The following ADAMTS17 variants were observed in gnomAD, a reference collection of about 807,000 sequenced individuals.
The protein encoded by ADAMTS17 is A disintegrin and metalloproteinase with thrombospondin motifs 17.
In ADAMTS17, 113 loss-of-function variants were observed where a neutral mutation model predicts 141.5. The observed-to-expected ratio is 0.80, with a 90% CI of 0.69 to 0.93. The LOEUF (loss-of-function observed/expected upper bound fraction) is 0.93. Among genes scored for constraint, ADAMTS17 ranks in the 40% least tolerant of loss-of-function variants. The pLI is 0.00. For synonymous variants in ADAMTS17, 768 were observed against 630.6 expected (o/e 1.22, Z -3.27); for missense variants, 1,659 against 1,517.9 (o/e 1.09, Z -1.54).
chr15:100,088,191 A>G (rs1168116704), intron 15 of ADAMTS17, among the ~76,000 whole-genome samples: 2 of 152,192 alleles, frequency 1.3e-5, no homozygotes, highest in African/African-American at 4.8e-5. Flanking sequence ...CTTATACACC[A>G]ATAACAGACA....
chr15:100,211,596 G>T (rs1799602853), intron 7 of ADAMTS17, among the ~76,000 whole-genome samples: 1 of 152,116 alleles, frequency 6.6e-6, no homozygotes, highest in African/African-American at 2.4e-5. Flanking sequence ...GAAACAGGAA[G>T]CAAAGATCAT....
intron 4 of ADAMTS17, among the ~76,000 whole-genome samples, chr15:100,266,469 C>G (rs1178851988): frequency 6.6e-6 from 1 of 152,200 alleles, no homozygotes; most frequent in Non-Finnish European, 1.5e-5. Context: ...TAAGGGCAGG[C>G]AGAAGCATAT....
intron 20 of ADAMTS17, among the ~76,000 whole-genome samples, chr15:99,986,878 G>T (rs944008566): frequency 6.6e-6 from 1 of 152,250 alleles, no homozygotes; most frequent in Non-Finnish European, 1.5e-5. Context: ...ACTATCCCGG[G>T]TGGGAAGGCA....
chr15:100,094,039 T>C (rs2035619691), intron 15 of ADAMTS17, among the ~76,000 whole-genome samples: 1 of 151,534 alleles, frequency 6.6e-6, no homozygotes, highest in Admixed American at 6.6e-5. Flanking sequence ...ATATATACAA[T>C]CCACATGGAT....
chr15:100,055,305 G>A (rs2032474773), intron 15 of ADAMTS17, among the ~76,000 whole-genome samples: 1 of 152,228 alleles, frequency 6.6e-6, no homozygotes, highest in Non-Finnish European at 1.5e-5. Flanking sequence ...TTTGGAAAAT[G>A]AGAGTTGAAA....
At chr15:100,295,663 C>T (rs1281528787) in intron 3 of ADAMTS17, among the ~76,000 whole-genome samples, 3 of 152,204 alleles carry the variant, frequency 2.0e-5, no homozygotes, top group Non-Finnish European at 4.4e-5. Flanking sequence ...TAGGATGATA[C>T]CTATCTCCTG....
intron 14 of ADAMTS17, among the ~76,000 whole-genome samples, chr15:100,103,724 C>T (rs1308619461): frequency 6.6e-6 from 1 of 152,168 alleles, no homozygotes; most frequent in African/African-American, 2.4e-5. Flanking sequence ...TATGGGCATG[C>T]ACTACCATGC....
At chr15:100,323,062 G>GC (rs1555508782) in intron 3 of ADAMTS17, among the ~76,000 whole-genome samples, 7 of 137,746 alleles carry the variant, frequency 5.1e-5, no homozygotes, top group Non-Finnish European at 9.2e-5. Context: ...ACTCCAGCCC[G>GC]GGAGACAGCG....
At chr15:100,174,053 C>G (rs1016019553) in intron 8 of ADAMTS17, among the ~76,000 whole-genome samples, 1 of 152,234 alleles carries the variant, frequency 6.6e-6, no homozygotes. Flanking sequence ...AGATCAAGCC[C>G]CCTCTTTACA....
intron 4 of ADAMTS17, among the ~76,000 whole-genome samples, chr15:100,267,182 CTTTG>C (rs2043745612): frequency 6.6e-6 from 1 of 151,856 alleles, no homozygotes. Context: ...CCCCATTCTA[CTTTG>C]TTTCTATGAC....
chr15:99,982,445 A>G (rs997069454), intron 20 of ADAMTS17, among the ~76,000 whole-genome samples: 1 of 152,202 alleles, frequency 6.6e-6, no homozygotes, highest in Non-Finnish European at 1.5e-5. Flanking sequence ...GATTCCAGAC[A>G]GGTCTGAAGG....
At chr15:100,175,019 AAAG>A (rs1241952364) in intron 8 of ADAMTS17, among the ~76,000 whole-genome samples, 2 of 152,124 alleles carry the variant, frequency 1.3e-5, no homozygotes, top group Admixed American at 6.5e-5. Context: ...GCATCAGGGA[AAAG>A]AAGAAGCACC....
At chr15:100,092,549 C>T (rs1211071631) in intron 15 of ADAMTS17, among the ~76,000 whole-genome samples, 1 of 152,202 alleles carries the variant, frequency 6.6e-6, no homozygotes, top group African/African-American at 2.4e-5. Context: ...TTTTACGATT[C>T]TTCATCACAG....
intron 10 of ADAMTS17, among the ~76,000 whole-genome samples, chr15:100,149,903 G>C (rs1406237315): frequency 6.6e-6 from 1 of 152,198 alleles, no homozygotes; most frequent in Non-Finnish European, 1.5e-5. Context: ...CTACCCCACA[G>C]TCAGATTCCT....
chr15:100,188,148 C>T (rs978023465), intron 8 of ADAMTS17, among the ~76,000 whole-genome samples: 1 of 152,000 alleles, frequency 6.6e-6, no homozygotes, highest in Non-Finnish European at 1.5e-5. Flanking sequence ...GTGATTTCGG[C>T]TCACTGTAAC....
At chr15:100,080,290 C>G (rs772919061) in intron 15 of ADAMTS17, among the ~76,000 whole-genome samples, 9 of 152,138 alleles carry the variant, frequency 5.9e-5, no homozygotes, top group Non-Finnish European at 1.2e-4. Context: ...GGGCTCCTCC[C>G]ACCTTTAAGT....
intron 7 of ADAMTS17, among the ~76,000 whole-genome samples, chr15:100,203,604 C>G (rs2041422517): frequency 6.6e-6 from 1 of 152,148 alleles, no homozygotes; most frequent in African/African-American, 2.4e-5. Context: ...ACTTGGGAGA[C>G]TGAGGCAGGA....
chr15:100,332,772 ATAAACT>A (rs1161391790), intron 2 of ADAMTS17, among the ~76,000 whole-genome samples: 4 of 152,220 alleles, frequency 2.6e-5, no homozygotes, highest in African/African-American at 9.6e-5. Context: ...GCTGGTTTCT[ATAAACT>A]TAAGGAAGAA....
intron 13 of ADAMTS17, among the ~76,000 whole-genome samples, chr15:100,113,870 G>A (rs1235811850): frequency 1.3e-5 from 2 of 152,208 alleles, no homozygotes; most frequent in Non-Finnish European, 2.9e-5. Flanking sequence ...GCACAGCCAC[G>A]TCCAGACGCA....
Sources: allele counts gnomAD v4.1 joint callset (sites outside exome capture counted in the v4.1 genomes callset), GRCh38; gene constraint gnomAD v4.1.1; transcripts MANE v1.5; gene names NCBI Gene and HGNC (gene_info 2026-07-23, HGNC 2026-07-21).